The following BCOR variants were observed in gnomAD, a reference collection of about 807,000 sequenced individuals.
BCOR encodes the protein BCL6 corepressor, also known as BCL-6 corepressor.
Under a neutral mutation model 86.7 loss-of-function variants are expected in BCOR, and 10 were observed. That is an observed-to-expected ratio of 0.12 (90% CI 0.07 to 0.20). BCOR has a LOEUF of 0.20. Ranked by LOEUF, BCOR falls within the 10% of genes least tolerant of loss-of-function variation. The pLI, the probability that BCOR is intolerant of heterozygous loss-of-function variation, is 1.00. For missense variants in BCOR, 1,259 were observed against 1,452.1 expected, an observed-to-expected ratio of 0.87 and a Z score of 2.16; for synonymous variants, 611 against 609.0, an observed-to-expected ratio of 1.00 and a Z score of -0.05.
At chrX:40,151,712 A>T (rs1035937398) in intron 1 of BCOR, among the ~76,000 whole-genome samples, 4 of 112,398 alleles carry the variant, frequency 3.6e-5, no homozygotes, top group African/African-American at 9.7e-5. Context: ...AAAATTCAAC[A>T]AGAGGCCGCA....
chrX:40,075,617 G>A (rs1489684710), intron 3 of BCOR, among the ~76,000 whole-genome samples: 1 of 110,676 alleles, frequency 9.0e-6, no homozygotes, highest in Non-Finnish European at 1.9e-5. Context: ...AAATTAGCCA[G>A]GTGTGGCGGT....
Position 40,051,649 on chromosome X carries a change from C to T in BCOR, c.*460G>A, listed in dbSNP as rs963591099. The T allele has an allele frequency of 2.8e-5, 5 of 175,884 alleles. No homozygotes were observed. Among genetic ancestry groups the T allele is most frequent in the South Asian group, 3.1e-4 (1 of 3,259 alleles). The allele number at this position is 175,884 out of a possible 1,213,427, so 14.5% of individuals were successfully genotyped here. A position where few individuals can be genotyped will look rare whatever the true frequency, so the allele number is the denominator to read the frequency against. ...TACATCCAATAGCATTTACCTGGCCCGAGCAGGTACTCTGTAAACAAAACA... is the reference window on the plus strand; with the variant it reads ...TACATCCAATAGCATTTACCTGGCCTGAGCAGGTACTCTGTAAACAAAACA... On this transcript the variant is annotated 3_prime_UTR_variant, in exon 15 of 15. Transcript: ENST00000378444.
intron 10 of BCOR, 110 bp downstream of exon 10, chrX:40,062,019 GGCCCAGCCCC>G: frequency 2.1e-6 from 2 of 934,788 alleles, no homozygotes; most frequent in Non-Finnish European, 3.0e-6. Context: ...TTGGAGCACC[GGCCCAGCCCC>G]GATGTGGAGG....
At chrX:40,056,851 G>T (rs936454073) in intron 11 of BCOR, among the ~76,000 whole-genome samples, 5 of 112,192 alleles carry the variant, frequency 4.5e-5, no homozygotes, top group African/African-American at 1.6e-4. Context: ...TGACTTCATA[G>T]ATGGTGATGA....
At chrX:40,141,294 G>A (rs922705149) in intron 1 of BCOR, among the ~76,000 whole-genome samples, 1 of 112,950 alleles carries the variant, frequency 8.9e-6, no homozygotes, top group Non-Finnish European at 1.9e-5. Context: ...AAGCTGAACT[G>A]CTCCAGCGCT....
At chrX:40,071,420 C>G (rs1271556216) in intron 5 of BCOR, among the ~76,000 whole-genome samples, 1 of 111,798 alleles carries the variant, frequency 8.9e-6, no homozygotes, top group East Asian at 2.8e-4. Flanking sequence ...CACACATACA[C>G]TATTGCATAC....
chrX:40,153,611 C>T (rs1002245478), intron 1 of BCOR, among the ~76,000 whole-genome samples: 1 of 111,778 alleles, frequency 8.9e-6, no homozygotes, highest in Non-Finnish European at 1.9e-5. Flanking sequence ...CGAGGGTTTT[C>T]CCCCTTTCCC....
chrX:40,125,064 T>TG (rs1417845745), intron 1 of BCOR, among the ~76,000 whole-genome samples: 1 of 109,409 alleles, frequency 9.1e-6, no homozygotes, highest in Non-Finnish European at 1.9e-5. Flanking sequence ...AAAGCACACG[T>TG]GGCCAGCCTG....
At position 40,063,596 on chromosome X, in the gene BCOR, GC is replaced by G. The variant is rs745977757; in HGVS notation, c.3847+11del. 16 of 1,189,885 alleles carry G rather than the reference GC, an allele frequency of 1.3e-5. No homozygotes were observed. The highest frequency in any genetic ancestry group is 1.0e-5 in the Non-Finnish European group (9 of 876,982). ...GAGCGGGGTGAACACTCAAGGGGTG[GC>G]CCCCGCATACCTTGTTCATTGTCAC... On this transcript the variant is annotated intron_variant, in intron 8 of 14. Transcript: ENST00000378444.
intron 1 of BCOR, among the ~76,000 whole-genome samples, chrX:40,120,418 C>G (rs1436394712): frequency 8.9e-6 from 1 of 111,946 alleles, no homozygotes; most frequent in East Asian, 2.8e-4. Context: ...CCCTTGACCT[C>G]TCCAATCCCT....
At chrX:40,060,651 T>C (rs781115937) in intron 10 of BCOR, among the ~76,000 whole-genome samples, 90 of 112,432 alleles carry the variant, frequency 8.0e-4, no homozygotes, top group Non-Finnish European at 8.6e-4. Context: ...TGAGTGGCCC[T>C]GCCTGGCACG....
intron 1 of BCOR, among the ~76,000 whole-genome samples, chrX:40,085,035 C>T (rs5963735): frequency 0.32 from 34,889 of 110,597 alleles, 7,908 homozygotes; most frequent in African/African-American, 0.8. Flanking sequence ...TGGGGGCCCA[C>T]GAATTTTTGT....
chrX:40,173,902 C>T (rs1429945936), intron 1 of BCOR, among the ~76,000 whole-genome samples: 2 of 113,156 alleles, frequency 1.8e-5, no homozygotes, highest in African/African-American at 3.2e-5. Context: ...TGTCCCTGGG[C>T]CGCTGGCGGG....
intron 1 of BCOR, among the ~76,000 whole-genome samples, chrX:40,078,790 G>A (rs777487445): frequency 9.4e-4 from 105 of 111,892 alleles, no homozygotes; most frequent in African/African-American, 3.0e-3. Flanking sequence ...GGGAGCGGGA[G>A]GTTGCCAAGG....
At chrX:40,106,855 C>T (rs1033811996) in intron 1 of BCOR, among the ~76,000 whole-genome samples, 3 of 110,857 alleles carry the variant, frequency 2.7e-5, no homozygotes, top group African/African-American at 9.9e-5. Flanking sequence ...TCTCCGCTCC[C>T]TCCCACTCCC....
At chrX:40,166,715 T>C (rs1938513498) in intron 1 of BCOR, among the ~76,000 whole-genome samples, 1 of 112,191 alleles carries the variant, frequency 8.9e-6, no homozygotes, top group Non-Finnish European at 1.9e-5. Context: ...GGCTTTGGGC[T>C]TCCTCTGATG....
chrX:40,114,111 A>C (rs1421292208), intron 1 of BCOR, among the ~76,000 whole-genome samples: 1 of 112,240 alleles, frequency 8.9e-6, no homozygotes, highest in East Asian at 2.8e-4. Context: ...CAGCCACTTA[A>C]TACATTTTTG....
chrX:40,167,594 G>C (rs1416964154), intron 1 of BCOR, among the ~76,000 whole-genome samples: 1 of 113,010 alleles, frequency 8.8e-6, no homozygotes, highest in African/African-American at 3.2e-5. Flanking sequence ...GGGTCTGCGC[G>C]GCCCTCAGCC....
At chrX:40,063,110 G>GGGC in intron 8 of BCOR, 39 bp from the exon 9 acceptor site, 5 of 644,554 alleles carry the variant, frequency 7.8e-6, no homozygotes, top group East Asian at 5.7e-5. Context: ...GGGCGGATGG[G>GGGC]AGACGGGAGA....
Sources: allele counts gnomAD v4.1 joint callset (sites outside exome capture counted in the v4.1 genomes callset), GRCh38; gene constraint gnomAD v4.1.1; transcripts MANE v1.5; gene names NCBI Gene and HGNC (gene_info 2026-07-23, HGNC 2026-07-21).